TUSC3: variants seen among roughly 807,000 people sequenced by gnomAD.
The protein encoded by TUSC3 is dolichyl-diphosphooligosaccharide--protein glycosyltransferase subunit TUSC3.
Under a neutral mutation model 44.8 loss-of-function variants are expected in TUSC3, and 45 were observed. That is an observed-to-expected ratio of 1.00 (90% confidence interval 0.79 to 1.29). The LOEUF is 1.29. Ranked by LOEUF, TUSC3 falls within the 50% of genes most tolerant of loss-of-function variation. The pLI, the probability that TUSC3 is intolerant of heterozygous loss-of-function variation, is 0.00. For missense variants in TUSC3, 519 were observed against 437.9 expected (o/e 1.19, Z -1.65); for synonymous variants, 212 against 152.9 (o/e 1.39, Z -2.85).
chr8:15,767,297 C>G (rs1253236750), downstream of TUSC3, among the ~76,000 whole-genome samples: 1 of 152,054 alleles, frequency 6.6e-6, no homozygotes, highest in African/African-American at 2.4e-5. Context: ...ATCTCACCTT[C>G]CGGCCATAAT....
chr8:15,707,273 T>A (rs941185068), intron 6 of TUSC3, among the ~76,000 whole-genome samples: 5 of 151,960 alleles, frequency 3.3e-5, no homozygotes, highest in African/African-American at 1.2e-4. Flanking sequence ...ATTTAAGAAA[T>A]CTGAAATGTG....
chr8:15,536,566 C>T (rs1162338801), upstream of TUSC3, among the ~76,000 whole-genome samples: 1 of 151,230 alleles, frequency 6.6e-6, no homozygotes, highest in African/African-American at 2.4e-5. Context: ...CCTATACTCC[C>T]AGCTACTCGG....
At chr8:15,688,874 A>T (rs765037121) in intron 6 of TUSC3, 17 of 161,916 alleles carry the variant, frequency 1.0e-4, no homozygotes, top group Non-Finnish European at 1.9e-4. Flanking sequence ...GGTAGGATTA[A>T]GATACTGCAG....
At chr8:15,797,337 G>A in the TUSC3 span, among the ~76,000 whole-genome samples, 13 of 152,146 alleles carry the variant, frequency 8.5e-5, no homozygotes, top group Non-Finnish European at 1.6e-4. Context: ...CAGCAATGTG[G>A]CATCTTTTTC....
chr8:15,503,649 A>T (rs1275260392), intron 2 of TUSC3, among the ~76,000 whole-genome samples: 2 of 152,094 alleles, frequency 1.3e-5, no homozygotes, highest in Non-Finnish European at 2.9e-5. Context: ...GGTTGCAGTA[A>T]GCTACGTTCG....
intron 3 of TUSC3, among the ~76,000 whole-genome samples, chr8:15,655,586 CT>C (rs1807123550): frequency 6.6e-6 from 1 of 152,150 alleles, no homozygotes; most frequent in Admixed American, 6.5e-5. Flanking sequence ...AGTGCACTTC[CT>C]TCTATTCCTG....
At chr8:15,468,472 T>C (rs1031275430) in intron 1 of TUSC3, among the ~76,000 whole-genome samples, 1 of 152,136 alleles carries the variant, frequency 6.6e-6, no homozygotes, top group Admixed American at 6.5e-5. Flanking sequence ...AGAGACATGA[T>C]TCCTGATCAT....
chr8:15,832,196 C>T, the TUSC3 span, among the ~76,000 whole-genome samples: 30 of 152,216 alleles, frequency 2.0e-4, no homozygotes, highest in Admixed American at 1.9e-3. Context: ...CCAAATTAAG[C>T]TTCATAAGCA....
the TUSC3 span, among the ~76,000 whole-genome samples, chr8:15,833,622 G>C: frequency 6.6e-6 from 1 of 152,122 alleles, no homozygotes; most frequent in South Asian, 2.1e-4. Flanking sequence ...TCATTTGTAA[G>C]TGGAGCTAAA....
intron 1 of TUSC3, among the ~76,000 whole-genome samples, chr8:15,456,435 G>A (rs751301285): frequency 3.3e-5 from 5 of 152,192 alleles, no homozygotes; most frequent in South Asian, 4.1e-4. Context: ...ATTTGGAAAC[G>A]TAAAGAGATA....
At chr8:15,458,028 T>C (rs946239402) in intron 1 of TUSC3, among the ~76,000 whole-genome samples, 1 of 151,928 alleles carries the variant, frequency 6.6e-6, no homozygotes, top group African/African-American at 2.4e-5. Context: ...AAAGGCCAAA[T>C]AATTCAAAAC....
intron 2 of TUSC3, among the ~76,000 whole-genome samples, chr8:15,501,767 C>A (rs1261776242): frequency 6.6e-6 from 1 of 152,180 alleles, no homozygotes; most frequent in African/African-American, 2.4e-5. Context: ...GTATATCTAA[C>A]AGGATGCTGA....
At chr8:15,710,122 T>G (rs1279952574) in intron 6 of TUSC3, among the ~76,000 whole-genome samples, 1 of 151,746 alleles carries the variant, frequency 6.6e-6, no homozygotes, top group Non-Finnish European at 1.5e-5. Flanking sequence ...CTACCTCCTT[T>G]TTCTTCTATT....
chr8:15,489,960 A>T (rs1307666112), intron 2 of TUSC3, among the ~76,000 whole-genome samples: 1 of 152,314 alleles, frequency 6.6e-6, no homozygotes, highest in East Asian at 1.9e-4. Flanking sequence ...AAGTTTTGTA[A>T]TTCTGTTGGT....
intron 2 of TUSC3, among the ~76,000 whole-genome samples, chr8:15,635,977 C>T (rs559863485): frequency 8.5e-5 from 13 of 152,216 alleles, no homozygotes; most frequent in African/African-American, 2.4e-4. Flanking sequence ...TTTCAAAGAG[C>T]GGTGTCTTTA....
chr8:15,836,005 T>C, the TUSC3 span, among the ~76,000 whole-genome samples: 2 of 152,322 alleles, frequency 1.3e-5, no homozygotes, highest in East Asian at 3.9e-4. Flanking sequence ...ACTCTTTAGC[T>C]ATATAAAGTA....
At chr8:15,645,872 C>A (rs757245896) in intron 2 of TUSC3, among the ~76,000 whole-genome samples, 1 of 152,006 alleles carries the variant, frequency 6.6e-6, no homozygotes, top group Admixed American at 6.6e-5. Flanking sequence ...TATCCAGTGA[C>A]ATAAATCTGA....
intron 1 of TUSC3, among the ~76,000 whole-genome samples, chr8:15,577,224 A>G (rs1803152128): frequency 6.6e-6 from 1 of 151,106 alleles, no homozygotes; most frequent in Admixed American, 6.6e-5. Context: ...CCTTTGTCAG[A>G]TGAGTAGCTT....
intron 1 of TUSC3, among the ~76,000 whole-genome samples, chr8:15,585,361 A>G (rs1803552675): frequency 1.3e-5 from 2 of 152,292 alleles, no homozygotes; most frequent in South Asian, 2.1e-4. Flanking sequence ...TCTTATTCTG[A>G]GGTATCACCT....
Sources: gnomAD v4.1 joint callset for allele counts (sites outside exome capture counted in the v4.1 genomes callset) on GRCh38, gnomAD v4.1.1 for gene constraint, MANE v1.5 for transcripts, NCBI Gene and HGNC (gene_info 2026-07-23, HGNC 2026-07-21) for gene names.